The following ZNF318 variants were observed in gnomAD, a reference collection of about 807,000 sequenced individuals.
The protein encoded by ZNF318 is zinc finger protein 318.
A neutral mutation model predicts 124.2 loss-of-function variants in ZNF318; 51 were observed. The ratio of observed to expected loss-of-function variants is 0.41; its 90% confidence interval spans 0.33 to 0.52. The LOEUF is 0.52. Ranked by LOEUF, ZNF318 falls within the 20% of genes least tolerant of loss-of-function variation. The pLI is 0.23. For missense variants in ZNF318, 2,815 were observed against 2,811.2 expected (o/e 1.00, Z -0.03); for synonymous variants, 1,090 against 1,040.7 (o/e 1.05, Z -0.91).
chr6:43,342,053 G>C, intron 8 of ZNF318, 59 bp downstream of exon 8: 1 of 1,440,010 alleles, frequency 6.9e-7, no homozygotes, highest in Non-Finnish European at 9.8e-7. Flanking sequence ...TTAGTTCAGG[G>C]ACACCTCTTC....
At chr6:43,341,117 C>T (rs1441949384) in intron 8 of ZNF318, among the ~76,000 whole-genome samples, 1 of 152,134 alleles carries the variant, frequency 6.6e-6, no homozygotes, top group Non-Finnish European at 1.5e-5. Flanking sequence ...TTTCTTCTAC[C>T]TCTTGGGAAC....
intron 1 of ZNF318, among the ~76,000 whole-genome samples, chr6:43,368,025 A>AAAT (rs1260935394): frequency 9.2e-5 from 14 of 152,218 alleles, no homozygotes; most frequent in East Asian, 5.8e-4. Flanking sequence ...ACTCTTTCTC[A>AAAT]AATAATAATA....
intron 5 of ZNF318, among the ~76,000 whole-genome samples, chr6:43,351,884 T>A (rs561796746): frequency 2.6e-4 from 40 of 152,184 alleles, no homozygotes; most frequent in Non-Finnish European, 5.1e-4. Flanking sequence ...CTCACGCCTG[T>A]AATCCTAGCA....
intron 2 of ZNF318, among the ~76,000 whole-genome samples, chr6:43,358,176 G>C (rs1302639526): frequency 1.3e-5 from 2 of 152,174 alleles, no homozygotes; most frequent in Non-Finnish European, 2.9e-5. Context: ...ACTAGAATCT[G>C]CATTTTAACA....
chr6:43,338,491 T>A lies in ZNF318; in HGVS notation c.5507A>T (p.Glu1836Val). ...PNLLMIDKEAEQSNKLMTGSE... is the reference protein window; with the variant it reads ...PNLLMIDKEAVQSNKLMTGSE... ...TCCTGTCATCAATTTATTGGACTGT[T>A]CAGCCTCTTTGTCAATCATTAGCAA... Residue 1836 changes from glutamate to valine, a missense_variant, in exon 10 of 10, where the codon GAA (glutamate) becomes GTA (valine). Glu to Val is a moderately radical substitution (Grantham distance 121). Around this residue, in one of 4 missense-constraint regions of ZNF318, gnomAD observed 927 missense variants for 820.6 expected, o/e 1.13. Transcript: ENST00000361428. 6.2e-7 allele frequency: 1 copy of A among 1,614,240 alleles called. No homozygotes were observed. Among genetic ancestry groups the A allele is most frequent in the Non-Finnish European group, 8.5e-7 (1 of 1,180,044 alleles).
rs768685421 is a variant in ZNF318, at chr6:43,355,145, C to G, written c.2189G>C (p.Ser730Thr). The G allele has an allele frequency of 3.5e-5, 57 of 1,614,126 alleles. No homozygotes were observed. Among genetic ancestry groups the G allele is most frequent in the Non-Finnish European group, 4.8e-5 (57 of 1,180,060 alleles). ...GHISGPEVVG[S>T]GFQSSVAVRC... ...GACTGCAACAGATGACTGAAACCCA[C>G]TACCAACCACCTCTGGTCCTGAAAT... is the stretch of plus-strand genomic sequence containing the variant. Residue 730 changes from serine (S) to threonine (T), a missense_variant, in exon 4 of 10, where the codon AGT becomes ACT. By Grantham distance (58) the Ser-to-Thr change is moderately conservative (BLOSUM62 1). Transcript: ENST00000361428.
chr6:43,357,950 A>C (rs1418427699), intron 2 of ZNF318, among the ~76,000 whole-genome samples, 185 bp from the exon 3 acceptor site: 1 of 152,182 alleles, frequency 6.6e-6, no homozygotes, highest in Non-Finnish European at 1.5e-5. Context: ...CCTCTAACCA[A>C]GAGGTAATAT....
At position 43,340,142 on chromosome 6, in the gene ZNF318, C is replaced by T. The variant is rs1779352256; in HGVS notation, c.3856G>A (p.Glu1286Lys). ...FSWKKPEKEE[E>K]KSSLVTPSIS... is the part of the protein sequence containing the mutation. ...CTTGGGGTCACCAATGAACTTTTCT[C>T]CTCTTCTTTTTCTGGCTTCTTCCAG... Residue 1286 changes from glutamate (E) to lysine (K), a missense_variant, in exon 10 of 10, where the codon GAG (glutamate) becomes AAG (lysine). Coordinates refer to ENST00000361428, the MANE Select transcript of ZNF318 (RefSeq NM_014345.3). The T allele has an allele frequency of 6.2e-7, 1 of 1,613,994 alleles. No homozygotes were observed. Among genetic ancestry groups the T allele is most frequent in the African/African-American group, 1.3e-5 (1 of 74,922 alleles).
At chr6:43,348,651 G>A (rs768206333) in intron 5 of ZNF318, 26 bp from the exon 6 acceptor site, 1 of 1,602,436 alleles carries the variant, frequency 6.2e-7, no homozygotes, top group Non-Finnish European at 8.5e-7. Flanking sequence ...TCAACAAAAA[G>A]AAGCACAGGG....
intron 6 of ZNF318, among the ~76,000 whole-genome samples, chr6:43,347,189 C>A (rs954887735): frequency 1.3e-5 from 2 of 151,924 alleles, no homozygotes; most frequent in African/African-American, 4.8e-5. Context: ...AATGTGAGGT[C>A]ACGAGAGGAG....
intron 2 of ZNF318, among the ~76,000 whole-genome samples, chr6:43,359,968 T>C (rs1206523768): frequency 1.3e-5 from 2 of 152,178 alleles, no homozygotes; most frequent in African/African-American, 4.8e-5. Flanking sequence ...TAAACACACC[T>C]ATTTCCAGAG....
intron 2 of ZNF318, among the ~76,000 whole-genome samples, chr6:43,360,234 T>G (rs1177120503): frequency 6.6e-6 from 1 of 152,174 alleles, no homozygotes; most frequent in Admixed American, 6.5e-5. Flanking sequence ...TAGTCCAGAC[T>G]TGGAATCTCC....
At position 43,338,741 on chromosome 6, in the gene ZNF318, C is replaced by G. The variant is rs778621365; in HGVS notation, c.5257G>C (p.Glu1753Gln). ...CTTTCCTTATCCTGGTTAACAGATT[C>G]TCTGAGGTGGATTTCTACCAACTTC... ...SQKLVEIHLR[E>Q]SVNQDKESQE... Residue 1753 changes from glutamate (E) to glutamine (Q), a missense_variant, in exon 10 of 10, where the codon GAA becomes CAA. This residue lies in a region of ZNF318 where 927 missense variants were observed against 820.6 expected (regional missense o/e 1.13). Transcript: ENST00000361428. The G allele has an allele frequency of 9.9e-6, 16 of 1,614,050 alleles. No individual in the cohort carries two copies. Among genetic ancestry groups the G allele is most frequent in the Non-Finnish European group, 5.1e-6 (6 of 1,180,036 alleles).
At position 43,340,255 on chromosome 6, in the gene ZNF318, T is replaced by G; in HGVS notation, c.3743A>C (p.Glu1248Ala). The change falls in exon 10 of 10, where the codon GAA becomes GCA. Residue 1248 changes from glutamate to alanine, a missense_variant. Glu to Ala is a moderately radical substitution (Grantham distance 107, BLOSUM62 -1). This residue lies in a region of ZNF318 where 500 missense variants were observed against 605.2 expected (regional missense o/e 0.83). Coordinates refer to ENST00000361428, the MANE Select transcript of ZNF318 (RefSeq NM_014345.3). ...SEGRNSPEKA[E>A]NKRNTGIKLQ... ...TTTGATGCCAGTGTTCCTTTTATTT[T>G]CAGCTTTTTCAGGGGAGTTCCTACC... is the stretch of plus-strand genomic sequence containing the variant. The G allele has an allele frequency of 1.2e-6, 2 of 1,614,084 alleles. No individual in the cohort carries two copies.
chr6:43,349,325 T>A (rs1779496039), intron 5 of ZNF318, among the ~76,000 whole-genome samples: 1 of 152,102 alleles, frequency 6.6e-6, no homozygotes, highest in Non-Finnish European at 1.5e-5. Flanking sequence ...TTTGACTTTA[T>A]CTGATCTAAG....
chr6:43,364,177 C>G, intron 2 of ZNF318: 1 of 922,614 alleles, frequency 1.1e-6, no homozygotes, highest in Non-Finnish European at 1.7e-6. Context: ...CCCCCGACCT[C>G]TGGAAGGAGA....
chr6:43,357,526 C>A lies in ZNF318; in HGVS notation c.788G>T (p.Arg263Leu). The A allele has an allele frequency of 6.2e-7, 1 of 1,614,106 alleles. No homozygotes were observed. ...GGCCTCCCGGCTCCTTTCTTCAGAT[C>A]GTATGGAGTAGCCTTTGAGTTTTTC... is the stretch of plus-strand genomic sequence containing the variant. ...NREKLKGYSI[R>L]SEERSREAKR... is the part of the protein sequence containing the mutation. The change falls in exon 3 of 10, where the codon CGA (arginine) becomes CTA (leucine). Residue 263 changes from arginine to leucine, a missense_variant. Arg to Leu is a moderately radical substitution (Grantham distance 102, BLOSUM62 -2). Transcript: ENST00000361428.
At chr6:43,363,618 C>T (rs1779716707) in intron 2 of ZNF318, 2 of 426,140 alleles carry the variant, frequency 4.7e-6, no homozygotes, top group South Asian at 2.8e-5. Context: ...CCAAGCTGGG[C>T]TGCTTGGTTA....
intron 9 of ZNF318, 136 bp downstream of exon 9, chr6:43,340,654 T>C: frequency 6.7e-7 from 1 of 1,500,840 alleles, no homozygotes; most frequent in Non-Finnish European, 9.0e-7. Context: ...CATCTCCCAC[T>C]AGGATTGAGG....
Sources: allele counts gnomAD v4.1 joint callset (sites outside exome capture counted in the v4.1 genomes callset), GRCh38; gene constraint gnomAD v4.1.1; regional missense constraint gnomAD v4.1.1; transcripts MANE v1.5; gene names NCBI Gene and HGNC (gene_info 2026-07-23, HGNC 2026-07-21).